The following PDE9A variants were observed in gnomAD, a reference collection of about 807,000 sequenced individuals.
The protein encoded by PDE9A is high affinity cGMP-specific 3',5'-cyclic phosphodiesterase 9A.
Under a neutral mutation model 87.4 loss-of-function variants are expected in PDE9A, and 60 were observed. The observed-to-expected ratio is 0.69, with a 90% CI of 0.56 to 0.85. The LOEUF is 0.85. PDE9A is among the 40% of genes least tolerant of loss of function. The probability of loss-of-function intolerance (pLI) is 0.00; values close to 1 mark genes in which losing one functional copy is unlikely to be tolerated. For synonymous variants in PDE9A, 272 were observed against 279.4 expected, an observed-to-expected ratio of 0.97 and a Z score of 0.27; for missense variants, 665 against 779.0, an observed-to-expected ratio of 0.85 and a Z score of 1.74.
intron 8 of PDE9A, among the ~76,000 whole-genome samples, chr21:42,748,437 G>A (rs889514366): frequency 6.6e-6 from 1 of 152,240 alleles, no homozygotes; most frequent in Admixed American, 6.5e-5. Context: ...CTACCAAATG[G>A]ATCTCCGTGG....
At chr21:42,769,657 C>CACGT (rs2056820799) in intron 17 of PDE9A, among the ~76,000 whole-genome samples, 2 of 150,456 alleles carry the variant, frequency 1.3e-5, no homozygotes, top group Admixed American at 6.6e-5. Context: ...CACACAGGCA[C>CACGT]ACATAGGCAC....
intron 4 of PDE9A, among the ~76,000 whole-genome samples, chr21:42,720,320 C>T (rs1569198601): frequency 6.6e-6 from 1 of 151,882 alleles, no homozygotes; most frequent in Non-Finnish European, 1.5e-5. Context: ...ATGGAGAAAC[C>T]CCGTCTCTAC....
At chr21:42,661,752 A>C (rs2057515760) in intron 1 of PDE9A, among the ~76,000 whole-genome samples, 1 of 152,164 alleles carries the variant, frequency 6.6e-6, no homozygotes, top group South Asian at 2.1e-4. Flanking sequence ...TCTTCTGAAA[A>C]ACTTTGTGAG....
chr21:42,705,917 G>A lies in PDE9A; in HGVS notation c.262+6906G>A, dbSNP rs949587156. On this transcript the variant is annotated intron_variant, in intron 4 of 19. Transcript: ENST00000291539. The surrounding 1 kb of genome is among the most constrained non-coding windows in gnomAD (Gnocchi z 4.3). ...CATTCTACTCCCCTGGCCAGAGACCGAGGGTGACTCGGAGGCTTCCAGTTC... is the reference window on the plus strand; with the variant it reads ...CATTCTACTCCCCTGGCCAGAGACCAAGGGTGACTCGGAGGCTTCCAGTTC... 3.3e-5 allele frequency among the ~76,000 whole-genome samples: 5 copies of A among 152,280 alleles called. No individual in the cohort carries two copies. In the South Asian group the frequency reaches 8.3e-4, roughly 25 times the overall value.
At chr21:42,740,660 A>C (rs559687707) in intron 7 of PDE9A, among the ~76,000 whole-genome samples, 1 of 151,066 alleles carries the variant, frequency 6.6e-6, no homozygotes, top group South Asian at 2.1e-4. Context: ...GATAGATAGT[A>C]TATAAATGGA....
Position 42,670,408 on chromosome 21 carries a change from AT to A in PDE9A, c.70-15783del, listed in dbSNP as rs534137828. Among the ~76,000 whole-genome samples, 25 of 93,910 alleles carry A rather than the reference AT, an allele frequency of 2.7e-4. No homozygotes were observed. The African/African-American group carries it at 3.1e-3, about 11-fold the overall frequency. The allele number at this position is 93,910 out of a possible 152,430, so 61.6% of individuals were successfully genotyped here. On this transcript the variant is annotated intron_variant, in intron 1 of 19. Coordinates refer to ENST00000291539, the MANE Select transcript of PDE9A (RefSeq NM_002606.3). The stretch of plus-strand genomic sequence containing the variant: ...CATTTACATTCACAAACATTCACAC[AT>A]ACATTCACACGCACTTACAGTCACA...
chr21:42,688,545 G>A (rs924056044), intron 3 of PDE9A, among the ~76,000 whole-genome samples: 2 of 152,192 alleles, frequency 1.3e-5, no homozygotes, highest in Non-Finnish European at 2.9e-5. Context: ...CAGGAAGGAC[G>A]CGGAGCAGGG....
At chr21:42,700,239 G>T (rs1010163313) in intron 4 of PDE9A, among the ~76,000 whole-genome samples, 10 of 152,304 alleles carry the variant, frequency 6.6e-5, no homozygotes, top group African/African-American at 2.4e-4. Flanking sequence ...GTACCACAGG[G>T]CGTCTTCCAT....
chr21:42,688,146 G>A (rs2059581671), intron 3 of PDE9A, 152 bp downstream of exon 3: 2 of 696,426 alleles, frequency 2.9e-6, no homozygotes, highest in Non-Finnish European at 5.1e-6. Context: ...TGTGAAGGAA[G>A]CTTGACTCGT....
chr21:42,704,213 C>T lies in PDE9A; in HGVS notation c.262+5202C>T, dbSNP rs1041128027. Among the ~76,000 whole-genome samples, 3 of 152,166 alleles carry T rather than the reference C, an allele frequency of 2.0e-5. No individual in the cohort carries two copies. The highest frequency in any genetic ancestry group is 4.8e-5 in the African/African-American group (2 of 41,444). On this transcript the variant is annotated intron_variant, in intron 4 of 19. Transcript: ENST00000291539. The surrounding 1 kb of genome is among the most constrained non-coding windows in gnomAD (Gnocchi z 5.3). ...CCTCCGGGCCAGCCGAGGAGCGCTG[C>T]GCTTATTCCGCAGTGAGGAGTCGCT... is the stretch of plus-strand genomic sequence containing the variant.
intron 1 of PDE9A, among the ~76,000 whole-genome samples, chr21:42,667,002 C>T (rs2058044058): frequency 6.6e-6 from 1 of 152,222 alleles, no homozygotes; most frequent in Admixed American, 6.5e-5. Context: ...GGGCTCCAGG[C>T]TGTCCCCACT....
rs1004159819 is a variant in PDE9A, at chr21:42,769,269, G to C, written c.1590+114G>C. 17 of 934,496 alleles carry C rather than the reference G, an allele frequency of 1.8e-5. No individual in the cohort carries two copies. The Admixed American group carries it at 3.4e-4, about 19-fold the overall frequency. 57.9% of individuals were successfully genotyped at this position (934,496 alleles called of 1,614,324 possible). A position where few individuals can be genotyped will look rare whatever the true frequency, so the allele number is the denominator to read the frequency against. ...CAGGTACACACAGACACACACTCAT[G>C]CACACACGTACACAGATACACACAG... On this transcript the variant is annotated intron_variant, in intron 17 of 19. Transcript: ENST00000291539.
chr21:42,670,091 T>C (rs1383553155), intron 1 of PDE9A, among the ~76,000 whole-genome samples: 1 of 151,478 alleles, frequency 6.6e-6, no homozygotes, highest in African/African-American at 2.4e-5. Flanking sequence ...ACACACATTC[T>C]CATACACTCA....
At chr21:42,677,445 T>TATGG (rs1307660698) in intron 1 of PDE9A, among the ~76,000 whole-genome samples, 1 of 152,190 alleles carries the variant, frequency 6.6e-6, no homozygotes, top group Non-Finnish European at 1.5e-5. Flanking sequence ...GTTTACCAGC[T>TATGG]TTATGGGGTC....
rs370063168 is a variant in PDE9A, at chr21:42,714,406, A to G, written c.262+15395A>G. Among the ~76,000 whole-genome samples the G allele has an allele frequency of 8.5e-5, 13 of 152,318 alleles. No individual in the cohort carries two copies. The South Asian group carries it at 2.7e-3, about 32-fold the overall frequency. ...ACCCAGATGGTGAGCAGAGCCCCCA[A>G]GTCTTTGTTGATATGGTTGGGGTTA... On this transcript the variant is annotated intron_variant, in intron 4 of 19. Coordinates refer to ENST00000291539, the MANE Select transcript of PDE9A (RefSeq NM_002606.3).
chr21:42,677,529 C>T (rs73379650), intron 1 of PDE9A, among the ~76,000 whole-genome samples: 185 of 152,332 alleles, frequency 1.2e-3, no homozygotes, highest in African/African-American at 4.3e-3. Flanking sequence ...TCCAACTGTC[C>T]CCGCGACCCA....
intron 4 of PDE9A, chr21:42,724,569 A>G: frequency 8.1e-6 from 8 of 985,266 alleles, no homozygotes; most frequent in Non-Finnish European, 9.6e-6. Flanking sequence ...AAGAATGCAG[A>G]TTTTGCATTA....
chr21:42,730,066 G>T (rs1455433737), intron 4 of PDE9A, among the ~76,000 whole-genome samples: 1 of 152,154 alleles, frequency 6.6e-6, no homozygotes, highest in Non-Finnish European at 1.5e-5. Flanking sequence ...ACTCTCAAAG[G>T]TTATGTGATA....
intron 1 of PDE9A, among the ~76,000 whole-genome samples, chr21:42,664,303 A>AGTGCCAGTCTCAGCCTGGCACAGGGAC (rs2057808260): frequency 6.6e-6 from 1 of 152,246 alleles, no homozygotes; most frequent in Non-Finnish European, 1.5e-5. Flanking sequence ...TTGGTCACAA[A>AGTGCCAGTCTCAGCCTGGCACAGGGAC]GTGCCAGTCT....
Sources: gnomAD v4.1 joint callset for allele counts (sites outside exome capture counted in the v4.1 genomes callset) on GRCh38, gnomAD v4.1.1 for gene constraint, Gnocchi (gnomAD v3.1) non-coding constraint, MANE v1.5 for transcripts, NCBI Gene and HGNC (gene_info 2026-07-23, HGNC 2026-07-21) for gene names.